PDGFD: variants seen among roughly 807,000 people sequenced by gnomAD.
PDGFD encodes platelet-derived growth factor D.
Under a neutral mutation model 44.7 loss-of-function variants are expected in PDGFD, and 30 were observed. The observed-to-expected ratio is 0.67, with a 90% CI of 0.50 to 0.91. The LOEUF (loss-of-function observed/expected upper bound fraction) is 0.91. PDGFD is among the 40% of genes least tolerant of loss of function. The pLI is 0.00. For missense variants in PDGFD, 445 were observed against 457.8 expected (o/e 0.97, Z 0.25); for synonymous variants, 173 against 168.4 (o/e 1.03, Z -0.21).
intron 4 of PDGFD, among the ~76,000 whole-genome samples, chr11:103,943,999 A>T (rs183423910): frequency 6.6e-6 from 1 of 152,252 alleles, no homozygotes; most frequent in East Asian, 1.9e-4. Flanking sequence ...ACATAACAAC[A>T]AATAATAGTG....
chr11:104,020,720 T>A (rs531256046), intron 1 of PDGFD, among the ~76,000 whole-genome samples: 2 of 152,200 alleles, frequency 1.3e-5, no homozygotes, highest in Non-Finnish European at 2.9e-5. Context: ...TCTATCCTAA[T>A]ATTACATTAT....
intron 1 of PDGFD, among the ~76,000 whole-genome samples, chr11:104,118,317 T>C (rs893739762): frequency 6.6e-6 from 1 of 151,826 alleles, no homozygotes; most frequent in Non-Finnish European, 1.5e-5. Flanking sequence ...TCCTCTCTAC[T>C]CTAGGCTATG....
At chr11:104,162,223 T>C (rs751540063) in intron 1 of PDGFD, among the ~76,000 whole-genome samples, 10 of 152,042 alleles carry the variant, frequency 6.6e-5, no homozygotes, top group South Asian at 2.1e-4. Flanking sequence ...AATGGTTACA[T>C]GCTTTTCATT....
At chr11:103,951,818 T>C (rs567210026) in intron 3 of PDGFD, among the ~76,000 whole-genome samples, 1 of 152,370 alleles carries the variant, frequency 6.6e-6, no homozygotes, top group South Asian at 2.1e-4. Context: ...TTAACCTGCT[T>C]AATTTTCTTT....
At chr11:103,936,816 T>C (rs1858495166) in intron 5 of PDGFD, among the ~76,000 whole-genome samples, 1 of 145,960 alleles carries the variant, frequency 6.9e-6, no homozygotes, top group Non-Finnish European at 1.5e-5. Context: ...TGTTTTTTTG[T>C]TTGTTTGTTT....
chr11:104,092,443 A>G (rs1200389216), intron 1 of PDGFD, among the ~76,000 whole-genome samples: 1 of 152,184 alleles, frequency 6.6e-6, no homozygotes, highest in African/African-American at 2.4e-5. Context: ...CCTCTGCGCT[A>G]TCTCAAATCT....
chr11:103,940,091 G>A (rs1238145437), intron 5 of PDGFD, among the ~76,000 whole-genome samples: 1 of 151,838 alleles, frequency 6.6e-6, no homozygotes, highest in East Asian at 1.9e-4. Flanking sequence ...AAACTTTACT[G>A]TTCTTTTGCA....
chr11:104,082,634 T>A lies in PDGFD; in HGVS notation c.124+81170A>T, dbSNP rs1380483112. Reference sequence around the variant, plus strand: ...AAAACACATAAATAAATTTGTTTTTTTTTGTTTTGTTTTTAGTGATGTGGT... The same window carrying A: ...AAAACACATAAATAAATTTGTTTTTATTTGTTTTGTTTTTAGTGATGTGGT... On this transcript the variant is annotated intron_variant, in intron 1 of 6. Transcript: ENST00000393158. Among the ~76,000 whole-genome samples, 16 of 152,076 alleles carry A rather than the reference T, an allele frequency of 1.1e-4. No homozygotes were observed. In the East Asian group the frequency reaches 3.1e-3, roughly 29 times the overall value.
intron 1 of PDGFD, among the ~76,000 whole-genome samples, chr11:104,132,278 A>G (rs1264865590): frequency 6.6e-6 from 1 of 152,094 alleles, no homozygotes; most frequent in East Asian, 1.9e-4. Context: ...GAAACCTTGC[A>G]TATTTTTAAA....
In PDGFD at chr11:103,941,402, G is replaced by A. The variant is rs1858582252; in HGVS notation, c.772+2050C>T. On this transcript the variant is annotated intron_variant, in intron 5 of 6. Coordinates refer to ENST00000393158, the MANE Select transcript of PDGFD (RefSeq NM_025208.5). ...TCCTAACTTTACCAGGTTAGGGGGT[G>A]GGTAGACATCACAGGGACTACATCA... is the stretch of plus-strand genomic sequence containing the variant. Among the ~76,000 whole-genome samples the A allele has an allele frequency of 2.0e-5, 3 of 152,034 alleles. No individual in the cohort carries two copies. The South Asian group carries it at 6.2e-4, about 32-fold the overall frequency.
In PDGFD at chr11:104,155,405, C is replaced by T. The variant is rs1267054688; in HGVS notation, c.124+8399G>A. 5.9e-5 allele frequency among the ~76,000 whole-genome samples: 9 copies of T among 152,292 alleles called. No homozygotes were observed. The South Asian group carries it at 1.2e-3, about 21-fold the overall frequency. On this transcript the variant is annotated intron_variant, in intron 1 of 6. Coordinates refer to ENST00000393158, the MANE Select transcript of PDGFD (RefSeq NM_025208.5). ...CACCTTATTTAATAAGAAGCCTCAG[C>T]CAGCTGGGCTTGCTTAGGTCTCATG...
At chr11:104,140,207 T>C (rs1350942520) in intron 1 of PDGFD, among the ~76,000 whole-genome samples, 1 of 152,186 alleles carries the variant, frequency 6.6e-6, no homozygotes, top group Non-Finnish European at 1.5e-5. Flanking sequence ...AGAACAAATA[T>C]AGCACAAAAT....
intron 1 of PDGFD, among the ~76,000 whole-genome samples, chr11:104,014,533 T>C (rs1014119966): frequency 1.3e-5 from 2 of 152,142 alleles, no homozygotes; most frequent in South Asian, 4.1e-4. Context: ...AAGATAAACA[T>C]GCTTTCTTGT....
At chr11:103,981,423 T>C (rs750702202) in intron 3 of PDGFD, among the ~76,000 whole-genome samples, 21 of 151,840 alleles carry the variant, frequency 1.4e-4, no homozygotes, top group South Asian at 4.1e-4. Context: ...GAAAAGGGAC[T>C]AAGACACCCT....
chr11:103,938,066 C>T (rs1434991776), intron 5 of PDGFD, among the ~76,000 whole-genome samples: 3 of 151,582 alleles, frequency 2.0e-5, no homozygotes, highest in Non-Finnish European at 2.9e-5. Flanking sequence ...TGGGTATATA[C>T]CCAGTAATGG....
At chr11:104,154,664 A>G (rs1345055612) in intron 1 of PDGFD, among the ~76,000 whole-genome samples, 1 of 152,200 alleles carries the variant, frequency 6.6e-6, no homozygotes, top group African/African-American at 2.4e-5. Context: ...AGCCAACAAG[A>G]AGGAAAAGTT....
intron 1 of PDGFD, among the ~76,000 whole-genome samples, chr11:104,161,950 A>AGTGTGTGTGTGT (rs3050634): frequency 1.1e-4 from 16 of 149,014 alleles, no homozygotes; most frequent in African/African-American, 3.7e-4. Context: ...AATCAAAGAG[A>AGTGTGTGTGTGT]GTGTGTGTGT....
At chr11:104,128,187 G>T (rs1356080511) in intron 1 of PDGFD, among the ~76,000 whole-genome samples, 3 of 145,818 alleles carry the variant, frequency 2.1e-5, no homozygotes, top group African/African-American at 7.6e-5. Flanking sequence ...GGAGAGACGA[G>T]TATAAAGGGA....
chr11:104,125,411 C>CT (rs1487059480), intron 1 of PDGFD, among the ~76,000 whole-genome samples: 5 of 151,878 alleles, frequency 3.3e-5, no homozygotes, highest in Non-Finnish European at 7.4e-5. Context: ...ACTCATGCAC[C>CT]TTTTTTCTGT....
Sources: gnomAD v4.1 joint callset for allele counts (sites outside exome capture counted in the v4.1 genomes callset) on GRCh38, gnomAD v4.1.1 for gene constraint, MANE v1.5 for transcripts, NCBI Gene and HGNC (gene_info 2026-07-23, HGNC 2026-07-21) for gene names.